The following GFRA1 variants were observed in gnomAD, a reference collection of about 807,000 sequenced individuals.
GFRA1 encodes the protein GDNF family receptor alpha-1.
GFRA1 carries 16 observed loss-of-function variants against 51.6 expected under a neutral mutation model. The observed-to-expected ratio is 0.31, with a 90% CI of 0.21 to 0.47. The LOEUF (loss-of-function observed/expected upper bound fraction) is 0.47, where lower values mean the gene tolerates loss of function less well. Among genes scored for constraint, GFRA1 ranks in the 20% least tolerant of loss-of-function variants. The probability of loss-of-function intolerance (pLI) is 1.00; values close to 1 mark genes in which losing one functional copy is unlikely to be tolerated. For missense variants in GFRA1, 530 were observed against 594.3 expected (o/e 0.89, Z 1.13); for synonymous variants, 270 against 241.3 (o/e 1.12, Z -1.10).
intron 5 of GFRA1, among the ~76,000 whole-genome samples, chr10:116,128,492 G>A (rs1957965727): frequency 6.6e-6 from 1 of 152,022 alleles, no homozygotes; most frequent in African/African-American, 2.4e-5. Flanking sequence ...CTGAGAGGCC[G>A]AGGTGGACCG....
rs376548133 is a variant in GFRA1, at chr10:116,221,775, G to A, written c.419-10130C>T. Reference sequence around the variant, plus strand: ...TAATCCCCATGTTTCTAGATCCCCAGCCACATTTTTTTCTGTAACTTTTCT... The same window carrying A: ...TAATCCCCATGTTTCTAGATCCCCAACCACATTTTTTTCTGTAACTTTTCT... On this transcript the variant is annotated intron_variant, in intron 4 of 10. Transcript: ENST00000355422. Among the ~76,000 whole-genome samples the A allele has an allele frequency of 1.4e-4, 22 of 152,160 alleles. No homozygotes were observed. In the East Asian group the frequency reaches 4.1e-3, roughly 28 times the overall value.
intron 5 of GFRA1, among the ~76,000 whole-genome samples, chr10:116,205,893 G>C (rs12774078): frequency 6.7e-6 from 1 of 149,240 alleles, no homozygotes; most frequent in Admixed American, 6.8e-5. Flanking sequence ...CAGAGAAAGT[G>C]ATTATTTAAA....
In GFRA1 at chr10:116,062,628, C is replaced by T. The variant is rs1379917941; in HGVS notation, c.*1770G>A. 6.6e-6 allele frequency: 1 copy of T among 152,398 alleles called. No individual in the cohort carries two copies. The highest frequency in any genetic ancestry group is 2.1e-4 in the South Asian group (1 of 4,824). The allele number at this position is 152,398 out of a possible 1,614,324, so 9.4% of individuals were successfully genotyped here. ...CTGTAGAAATGTGCACCCTGGTTTC[C>T]TCCTCCATCTCTTCTACCAATGTGG... is the stretch of plus-strand genomic sequence containing the variant. On this transcript the variant is annotated 3_prime_UTR_variant, in exon 11 of 11. Coordinates refer to ENST00000355422, the MANE Select transcript of GFRA1 (RefSeq NM_005264.8).
chr10:116,098,213 A>AG (rs1266000212), intron 6 of GFRA1, among the ~76,000 whole-genome samples: 1 of 152,188 alleles, frequency 6.6e-6, no homozygotes, highest in Non-Finnish European at 1.5e-5. Flanking sequence ...CTCCTGTATA[A>AG]GTCTCCCCAG....
At chr10:116,156,254 T>G (rs929327937) in intron 5 of GFRA1, among the ~76,000 whole-genome samples, 1 of 152,306 alleles carries the variant, frequency 6.6e-6, no homozygotes, top group Middle Eastern at 3.4e-3. Context: ...TCAATCTGAT[T>G]AATGTAATAG....
intron 4 of GFRA1, among the ~76,000 whole-genome samples, chr10:116,226,134 C>CCCA (rs1966278881): frequency 6.6e-6 from 1 of 152,144 alleles, no homozygotes. Context: ...TGGTAATTAA[C>CCCA]TTTGAAGTCC....
At chr10:116,179,070 G>A (rs1198035770) in intron 5 of GFRA1, among the ~76,000 whole-genome samples, 1 of 152,200 alleles carries the variant, frequency 6.6e-6, no homozygotes, top group East Asian at 1.9e-4. Context: ...AGCAGAAGCA[G>A]AGGCTGGCCA....
intron 5 of GFRA1, among the ~76,000 whole-genome samples, chr10:116,152,789 C>T (rs1959115006): frequency 6.6e-6 from 1 of 152,204 alleles, no homozygotes; most frequent in South Asian, 2.1e-4. Flanking sequence ...TGACCATGAT[C>T]ACAAGGCAAA....
intron 5 of GFRA1, among the ~76,000 whole-genome samples, chr10:116,197,964 A>G (rs2134370399): frequency 6.6e-6 from 1 of 152,334 alleles, no homozygotes; most frequent in African/African-American, 2.4e-5. Flanking sequence ...GTGTGGTGAC[A>G]GCAGTGGCAG....
intron 4 of GFRA1, among the ~76,000 whole-genome samples, chr10:116,224,242 GGGAC>G (rs1384650835): frequency 6.6e-6 from 1 of 152,196 alleles, no homozygotes; most frequent in Non-Finnish European, 1.5e-5. Flanking sequence ...CACTGCTGAT[GGGAC>G]TGTCAAATGG....
chr10:116,196,103 TA>T (rs1258004928), intron 5 of GFRA1, among the ~76,000 whole-genome samples: 19 of 148,080 alleles, frequency 1.3e-4, no homozygotes, highest in Non-Finnish European at 2.2e-4. Context: ...AAGGAACAAG[TA>T]AAAAAAAATG....
intron 5 of GFRA1, among the ~76,000 whole-genome samples, chr10:116,143,053 T>G (rs10787628): frequency 0.57 from 87,206 of 152,018 alleles, 25,177 homozygotes; most frequent in Middle Eastern, 0.65. Context: ...CTCCATATTT[T>G]GGGAGCTTTA....
At chr10:116,191,887 C>T (rs974750638) in intron 5 of GFRA1, among the ~76,000 whole-genome samples, 25 of 152,048 alleles carry the variant, frequency 1.6e-4, no homozygotes, top group African/African-American at 5.6e-4. Flanking sequence ...ATTAGCCGGG[C>T]GTGGTGGCAG....
intron 5 of GFRA1, among the ~76,000 whole-genome samples, chr10:116,195,050 G>A (rs3781548): frequency 0.48 from 73,458 of 152,060 alleles, 18,877 homozygotes; most frequent in Middle Eastern, 0.6. Flanking sequence ...AAATGAATGG[G>A]TGTGGCTGTG....
intron 9 of GFRA1, among the ~76,000 whole-genome samples, chr10:116,073,116 A>G (rs1243881485): frequency 6.6e-6 from 1 of 152,224 alleles, no homozygotes; most frequent in Non-Finnish European, 1.5e-5. Context: ...ACAGTCCAGT[A>G]AGATATATCA....
In GFRA1 at chr10:116,125,247, G is replaced by A. The variant is rs1957806863; in HGVS notation, c.744C>T (p.Asp248=). Residue 248 remains aspartate (D), a synonymous_variant, in exon 6 of 11, where the codon GAC becomes GAT. Transcript: ENST00000355422. ...REKPNCLNLQ[D]SCKTNYICRS... ...TGCAGATGTAATTCGTCTTGCAGGA[G>A]TCCTGCAAATTCAAACAGTTGGGCT... The A allele has an allele frequency of 1.2e-6, 2 of 1,613,838 alleles. No individual in the cohort carries two copies. The highest frequency in any genetic ancestry group is 1.7e-6 in the Non-Finnish European group (2 of 1,179,718).
chr10:116,241,579 G>C (rs2134634617), intron 4 of GFRA1, among the ~76,000 whole-genome samples: 1 of 152,322 alleles, frequency 6.6e-6, no homozygotes, highest in East Asian at 1.9e-4. Context: ...GAAATAAAAT[G>C]CACTGGCTGA....
intron 5 of GFRA1, among the ~76,000 whole-genome samples, chr10:116,148,391 T>C (rs530920603): frequency 1.3e-5 from 2 of 152,184 alleles, no homozygotes; most frequent in Admixed American, 1.3e-4. Context: ...TCAACAGGAC[T>C]CCCAGGGCTG....
At chr10:116,271,230 C>T in intron 2 of GFRA1, 115 bp from the exon 3 acceptor site, 6 of 812,498 alleles carry the variant, frequency 7.4e-6, no homozygotes, top group East Asian at 2.7e-5. Flanking sequence ...TCGGGGGCGC[C>T]CTGCTCTGGG....
Sources: allele counts gnomAD v4.1 joint callset (sites outside exome capture counted in the v4.1 genomes callset), GRCh38; gene constraint gnomAD v4.1.1; transcripts MANE v1.5; gene names NCBI Gene and HGNC (gene_info 2026-07-23, HGNC 2026-07-21).